The following ZBTB20 variants were observed in gnomAD, a reference collection of about 807,000 sequenced individuals.
ZBTB20 encodes zinc finger and BTB domain containing 20.
Under a neutral mutation model 56.9 loss-of-function variants are expected in ZBTB20, and 9 were observed. The observed-to-expected ratio is 0.16, with a 90% CI of 0.10 to 0.28. The LOEUF (loss-of-function observed/expected upper bound fraction) is 0.28. Among genes scored for constraint, ZBTB20 ranks in the 10% least tolerant of loss-of-function variants. The pLI is 1.00. For synonymous variants in ZBTB20, 417 were observed against 420.7 expected (o/e 0.99, Z 0.11); for missense variants, 655 against 1,003.0 (o/e 0.65, Z 4.69).
At chr3:114,996,209 C>CT (rs900566323) in intron 2 of ZBTB20, among the ~76,000 whole-genome samples, 5 of 151,536 alleles carry the variant, frequency 3.3e-5, no homozygotes, top group South Asian at 2.1e-4. Context: ...TTTTTCTTTT[C>CT]TTTTTTTTAT....
chr3:114,547,671 C>G lies in ZBTB20; in HGVS notation c.-294-47280G>C, dbSNP rs144079442. On this transcript the variant is annotated intron_variant, in intron 6 of 11. Coordinates refer to ENST00000675478, the MANE Select transcript of ZBTB20 (RefSeq NM_001348800.3). ...AGGCACACAGATTTAGGAGTAATAC[C>G]TCCTTTGCCCTAATGTTACATAACA... 4.3e-3 allele frequency among the ~76,000 whole-genome samples: 653 copies of G among 152,168 alleles called. 4 individuals are homozygous for G. The highest frequency in any genetic ancestry group is 7.0e-3 in the Non-Finnish European group (476 of 68,008).
intron 4 of ZBTB20, among the ~76,000 whole-genome samples, chr3:114,811,897 A>C (rs1215532989): frequency 3.9e-5 from 6 of 152,210 alleles, no homozygotes; most frequent in Non-Finnish European, 8.8e-5. Context: ...ACTGACTTCA[A>C]GAATGAAGCC....
At chr3:114,466,162 T>C (rs948838859) in intron 7 of ZBTB20, among the ~76,000 whole-genome samples, 3 of 152,148 alleles carry the variant, frequency 2.0e-5, no homozygotes, top group Non-Finnish European at 4.4e-5. Context: ...AGAGTATACT[T>C]AATATATGAG....
intron 5 of ZBTB20, among the ~76,000 whole-genome samples, chr3:114,787,963 TTCATTACAG>T (rs2070678979): frequency 6.6e-6 from 1 of 152,144 alleles, no homozygotes; most frequent in African/African-American, 2.4e-5. Flanking sequence ...TCTCTAATAG[TTCATTACAG>T]TCATTACTGC....
At chr3:114,354,781 T>A (rs191949226) in intron 10 of ZBTB20, among the ~76,000 whole-genome samples, 2 of 152,230 alleles carry the variant, frequency 1.3e-5, no homozygotes, top group Admixed American at 1.3e-4. Context: ...GTTTTCACCA[T>A]GTTGGCCAGG....
intron 1 of ZBTB20, among the ~76,000 whole-genome samples, chr3:115,125,244 G>A (rs2084294362): frequency 1.3e-5 from 2 of 151,884 alleles, no homozygotes; most frequent in South Asian, 4.1e-4. Flanking sequence ...GCAGGAGGTT[G>A]AGACAGGATG....
intron 6 of ZBTB20, among the ~76,000 whole-genome samples, chr3:114,550,812 G>A (rs186287456): frequency 1.1e-3 from 165 of 152,222 alleles, no homozygotes; most frequent in Admixed American, 2.7e-3. Context: ...GTGCAGTGGC[G>A]TGATCTCTGC....
intron 2 of ZBTB20, among the ~76,000 whole-genome samples, chr3:114,982,955 A>C (rs912933444): frequency 6.6e-6 from 1 of 151,998 alleles, no homozygotes; most frequent in Non-Finnish European, 1.5e-5. Flanking sequence ...GCCTCTATCT[A>C]TCTCTATATC....
At position 114,320,654 on chromosome 3, in the gene ZBTB20, A is replaced by C. The variant is rs1375159794; in HGVS notation, c.*18351T>G. The C allele has an allele frequency of 6.6e-6, 1 of 152,186 alleles. No individual in the cohort carries two copies. Among genetic ancestry groups the C allele is most frequent in the African/African-American group, 2.4e-5 (1 of 41,464 alleles). 9.4% of individuals were successfully genotyped at this position (152,186 alleles called of 1,614,324 possible). The stretch of plus-strand genomic sequence containing the variant: ...TACTCCCTAGTTCTTTATATCTTTA[A>C]AATGAACAAATTTGTTTTTATATTT... On this transcript the variant is annotated 3_prime_UTR_variant, in exon 12 of 12. Transcript: ENST00000675478.
At chr3:114,523,907 G>A (rs1038648629) in intron 6 of ZBTB20, among the ~76,000 whole-genome samples, 6 of 152,124 alleles carry the variant, frequency 3.9e-5, no homozygotes, top group Non-Finnish European at 8.8e-5. Flanking sequence ...AGCATTAACG[G>A]CCTCCTTGAG....
intron 5 of ZBTB20, chr3:114,792,104 T>G (rs2071001024): frequency 6.6e-6 from 1 of 152,202 alleles, no homozygotes. Flanking sequence ...AGCTCCTGAT[T>G]GCTTCTCATC....
intron 10 of ZBTB20, among the ~76,000 whole-genome samples, chr3:114,374,345 G>A (rs895303305): frequency 2.0e-5 from 3 of 152,200 alleles, no homozygotes; most frequent in African/African-American, 7.2e-5. Flanking sequence ...GCACTTAGTT[G>A]TACCAAAGAC....
At chr3:115,083,774 A>G (rs1195614830) in intron 1 of ZBTB20, among the ~76,000 whole-genome samples, 1 of 152,042 alleles carries the variant, frequency 6.6e-6, no homozygotes, top group East Asian at 1.9e-4. Flanking sequence ...GATGGGCTAC[A>G]TAACAAATTC....
At chr3:114,436,562 T>G (rs538098356) in intron 7 of ZBTB20, among the ~76,000 whole-genome samples, 1 of 152,330 alleles carries the variant, frequency 6.6e-6, no homozygotes, top group Admixed American at 6.5e-5. Flanking sequence ...ACTCTTATAA[T>G]GTTACCTGTT....
intron 1 of ZBTB20, among the ~76,000 whole-genome samples, chr3:115,074,334 C>T (rs1356439711): frequency 6.6e-6 from 1 of 152,108 alleles, no homozygotes; most frequent in East Asian, 1.9e-4. Context: ...AGACTCCAAA[C>T]TTGATAGTGG....
At chr3:114,577,042 T>C (rs2669889) in intron 6 of ZBTB20, among the ~76,000 whole-genome samples, 142,171 of 152,186 alleles carry the variant, frequency 0.93, 67,099 homozygotes, top group East Asian at 1. Context: ...TTATTTCTGC[T>C]ATTTACTTGT....
intron 2 of ZBTB20, among the ~76,000 whole-genome samples, chr3:115,042,847 A>G (rs969523365): frequency 2.6e-5 from 4 of 152,242 alleles, no homozygotes; most frequent in African/African-American, 9.6e-5. Context: ...ATCTTCACCA[A>G]TAAGCTACAT....
chr3:114,566,007 T>TCTTTTTC (rs1231316948), intron 6 of ZBTB20, among the ~76,000 whole-genome samples: 1 of 146,448 alleles, frequency 6.8e-6, no homozygotes, highest in Non-Finnish European at 1.5e-5. Context: ...ATTTTTTCTT[T>TCTTTTTC]TTTTTTCTTT....
chr3:114,590,142 G>A (rs1025501318), intron 6 of ZBTB20, among the ~76,000 whole-genome samples: 14 of 151,966 alleles, frequency 9.2e-5, no homozygotes, highest in Admixed American at 4.6e-4. Context: ...AGCTTTAATC[G>A]CTTTCTTCAC....
Sources: allele counts gnomAD v4.1 joint callset (sites outside exome capture counted in the v4.1 genomes callset), GRCh38; gene constraint gnomAD v4.1.1; transcripts MANE v1.5; gene names NCBI Gene and HGNC (gene_info 2026-07-23, HGNC 2026-07-21).